ADORA2B: variants seen among roughly 807,000 people sequenced by gnomAD.
ADORA2B encodes the protein adenosine A2b receptor, also known as adenosine receptor A2b.
Under a neutral mutation model 20.8 loss-of-function variants are expected in ADORA2B, and 18 were observed. That is an observed-to-expected ratio of 0.87 (90% CI 0.60 to 1.29). The LOEUF is 1.29. Among genes scored for constraint, ADORA2B ranks in the 50% most tolerant of loss-of-function variants. The pLI, the probability that ADORA2B is intolerant of heterozygous loss-of-function variation, is 0.00. For synonymous variants in ADORA2B, 179 were observed against 178.3 expected, an observed-to-expected ratio of 1.00 and a Z score of -0.03; for missense variants, 441 against 422.7, an observed-to-expected ratio of 1.04 and a Z score of -0.38.
intron 1 of ADORA2B, chr17:15,973,815 G>A (rs957743355): frequency 1.3e-5 from 2 of 152,220 alleles, no homozygotes; most frequent in African/African-American, 4.8e-5. Flanking sequence ...GGAAGTATAG[G>A]AAGTCGATCG....
At chr17:15,881,730 C>T in the ADORA2B span, among the ~76,000 whole-genome samples, 1 of 152,222 alleles carries the variant, frequency 6.6e-6, no homozygotes, top group Non-Finnish European at 1.5e-5. Context: ...TCCTTAGGCC[C>T]ATCTGTGTTG....
chr17:15,948,598 TTC>T (rs1192961371), intron 1 of ADORA2B, among the ~76,000 whole-genome samples: 1 of 152,192 alleles, frequency 6.6e-6, no homozygotes, highest in Non-Finnish European at 1.5e-5. Flanking sequence ...TGTGGGGGTC[TTC>T]GCTGCTTGTA....
At chr17:15,854,032 C>T in the ADORA2B span, among the ~76,000 whole-genome samples, 20 of 152,274 alleles carry the variant, frequency 1.3e-4, no homozygotes, top group South Asian at 6.2e-4. Context: ...CCTGGCTCAC[C>T]GCAACCTCCG....
At chr17:15,922,998 C>T in the ADORA2B span, among the ~76,000 whole-genome samples, 2 of 151,868 alleles carry the variant, frequency 1.3e-5, no homozygotes, top group South Asian at 2.1e-4. Context: ...ATATTCATTG[C>T]CCATATTTCT....
At chr17:15,939,642 G>T in the ADORA2B span, among the ~76,000 whole-genome samples, 1 of 151,978 alleles carries the variant, frequency 6.6e-6, no homozygotes, top group South Asian at 2.1e-4. Flanking sequence ...GGCAGATCAT[G>T]AGGTCAGGAG....
chr17:15,866,077 G>A, the ADORA2B span, among the ~76,000 whole-genome samples: 1 of 152,044 alleles, frequency 6.6e-6, no homozygotes, highest in East Asian at 1.9e-4. Context: ...ATAGATCGTT[G>A]AGTCAAGTCC....
chr17:15,935,866 CTTTT>C, the ADORA2B span, among the ~76,000 whole-genome samples: 2 of 130,130 alleles, frequency 1.5e-5, no homozygotes. Context: ...TGTTATTGTA[CTTTT>C]TTTTTTTTTT....
At chr17:15,933,131 A>T in the ADORA2B span, among the ~76,000 whole-genome samples, 1 of 151,886 alleles carries the variant, frequency 6.6e-6, no homozygotes, top group African/African-American at 2.4e-5. Flanking sequence ...AATTTTTTAT[A>T]TCTTTAGTGG....
At chr17:15,944,160 G>A (rs977020349), upstream of ADORA2B, among the ~76,000 whole-genome samples, 5 of 152,164 alleles carry the variant, frequency 3.3e-5, no homozygotes, top group Non-Finnish European at 7.3e-5. This position sits in a 1 kb window ranked among gnomAD's most constrained non-coding sequence, Gnocchi z 4.8. Context: ...GGGTTGCCAG[G>A]TCAATAACGA....
upstream of ADORA2B, among the ~76,000 whole-genome samples, chr17:15,942,736 G>A (rs183482783): frequency 5.5e-4 from 83 of 152,160 alleles, no homozygotes; most frequent in Admixed American, 2.6e-3. Context: ...GACCATCCCC[G>A]CCCCGTCCTG....
Position 15,974,673 on chromosome 17 carries a change from A to G in ADORA2B, c.336-6A>G, listed in dbSNP as rs1970226544. 2 of 1,609,570 alleles carry G rather than the reference A, an allele frequency of 1.2e-6. No individual in the cohort carries two copies. The highest frequency in any genetic ancestry group is 8.5e-7 in the Non-Finnish European group (1 of 1,177,118). On this transcript the variant is annotated splice_polypyrimidine_tract_variant and splice_region_variant and intron_variant, in intron 1 of 1. Coordinates refer to ENST00000304222, the MANE Select transcript of ADORA2B (RefSeq NM_000676.4). Reference sequence around the variant, plus strand: ...TGACCGTAACAGATGGTATTCTTTTAAACAGGTATAAAAGTTTGGTCACGG... The same window carrying G: ...TGACCGTAACAGATGGTATTCTTTTGAACAGGTATAAAAGTTTGGTCACGG...
the ADORA2B span, among the ~76,000 whole-genome samples, chr17:15,936,313 A>ATTTATT: frequency 6.6e-5 from 10 of 151,232 alleles, no homozygotes; most frequent in African/African-American, 2.4e-4. Context: ...TTATTTATTT[A>ATTTATT]TTTATTTTTA....
At position 15,968,585 on chromosome 17, in the gene ADORA2B, G is replaced by A. The variant is rs1970148990; in HGVS notation, c.336-6094G>A. On this transcript the variant is annotated intron_variant, in intron 1 of 1. Transcript: ENST00000304222. The stretch of plus-strand genomic sequence containing the variant: ...ACCTATGGCTGTGTGGTCAGGCGGA[G>A]GAGGGAGCTGGAATTTGTGAGTTGA... Among the ~76,000 whole-genome samples, 5 of 152,322 alleles carry A rather than the reference G, an allele frequency of 3.3e-5. 1 individual carries two copies. In the South Asian group the frequency reaches 1.0e-3, roughly 32 times the overall value.
At chr17:15,936,336 T>C in the ADORA2B span, among the ~76,000 whole-genome samples, 2 of 152,018 alleles carry the variant, frequency 1.3e-5, no homozygotes, top group African/African-American at 4.8e-5. Flanking sequence ...TTTATTTTTT[T>C]TGATGGAGTC....
chr17:15,859,667 C>T, the ADORA2B span, among the ~76,000 whole-genome samples: 3 of 152,022 alleles, frequency 2.0e-5, no homozygotes, highest in Non-Finnish European at 4.4e-5. Flanking sequence ...ATCATCTGAC[C>T]AGGTATCATG....
the ADORA2B span, among the ~76,000 whole-genome samples, chr17:15,932,815 CT>C: frequency 6.6e-6 from 1 of 152,046 alleles, no homozygotes; most frequent in Non-Finnish European, 1.5e-5. Flanking sequence ...TATGTCTGCC[CT>C]TATGCCAGCA....
chr17:15,873,605 A>C, the ADORA2B span, among the ~76,000 whole-genome samples: 1 of 152,242 alleles, frequency 6.6e-6, no homozygotes, highest in African/African-American at 2.4e-5. Context: ...ATTTCTCAAA[A>C]GAAGATATAC....
the ADORA2B span, among the ~76,000 whole-genome samples, chr17:15,921,473 G>T: frequency 4.6e-5 from 7 of 152,130 alleles, no homozygotes; most frequent in Admixed American, 2.0e-4. Context: ...TTCTGTAATC[G>T]TGTAAATGTT....
chr17:15,939,733 T>A, the ADORA2B span, among the ~76,000 whole-genome samples: 24 of 151,412 alleles, frequency 1.6e-4, no homozygotes, highest in Non-Finnish European at 3.5e-4. Flanking sequence ...TGGTGGCGGG[T>A]GCCTGTAGTC....
Sources: allele counts gnomAD v4.1 joint callset (sites outside exome capture counted in the v4.1 genomes callset), GRCh38; gene constraint gnomAD v4.1.1; non-coding constraint Gnocchi (gnomAD v3.1); transcripts MANE v1.5; gene names NCBI Gene and HGNC (gene_info 2026-07-23, HGNC 2026-07-21).